FUT9: variants seen among roughly 807,000 people sequenced by gnomAD.
The protein encoded by FUT9 is fucosyltransferase 9, also known as 4-galactosyl-N-acetylglucosaminide 3-alpha-L-fucosyltransferase 9.
In FUT9, 15 loss-of-function variants were observed where a neutral mutation model predicts 29.7. The observed-to-expected ratio is 0.51, with a 90% CI of 0.34 to 0.78. FUT9 has a LOEUF of 0.78. Among genes scored for constraint, FUT9 ranks in the 30% least tolerant of loss-of-function variants. The probability of loss-of-function intolerance (pLI) is 0.01; values close to 1 mark genes in which losing one functional copy is unlikely to be tolerated. For missense variants in FUT9, 319 were observed against 425.4 expected, an observed-to-expected ratio of 0.75 and a Z score of 2.20; for synonymous variants, 169 against 153.7, an observed-to-expected ratio of 1.10 and a Z score of -0.74.
intron 1 of FUT9, among the ~76,000 whole-genome samples, chr6:96,113,239 A>G (rs1771844001): frequency 6.6e-6 from 1 of 152,020 alleles, no homozygotes; most frequent in African/African-American, 2.4e-5. Flanking sequence ...CCATTTAACT[A>G]TTCAATAACT....
intron 2 of FUT9, among the ~76,000 whole-genome samples, chr6:96,197,867 C>T (rs1252060378): frequency 6.6e-6 from 1 of 152,150 alleles, no homozygotes; most frequent in Non-Finnish European, 1.5e-5. Context: ...AAGTATTGAA[C>T]TTTGTTCTAT....
At position 96,213,660 on chromosome 6, in the gene FUT9, G is replaced by A. The variant is rs1773981725; in HGVS notation, c.*9425G>A. ...ATTATTGCGATGCAGACCCAATAGG[G>A]TTATTTTAAGCACACTAATTAGTCA... On this transcript the variant is annotated 3_prime_UTR_variant, in exon 3 of 3. Coordinates refer to ENST00000302103, the MANE Select transcript of FUT9 (RefSeq NM_006581.4). The A allele has an allele frequency of 1.2e-5, 2 of 166,716 alleles. No individual in the cohort carries two copies. Among genetic ancestry groups the A allele is most frequent in the South Asian group, 2.1e-4 (1 of 4,816 alleles). The allele number at this position is 166,716 out of a possible 1,614,324, so 10.3% of individuals were successfully genotyped here.
chr6:96,058,359 C>G (rs1770812218), intron 1 of FUT9, among the ~76,000 whole-genome samples: 1 of 150,320 alleles, frequency 6.7e-6, no homozygotes, highest in African/African-American at 2.5e-5. Context: ...AGAAAGGAAC[C>G]CTCACTGTTG....
chr6:96,179,582 T>C (rs191459041), intron 2 of FUT9, among the ~76,000 whole-genome samples: 4 of 152,292 alleles, frequency 2.6e-5, no homozygotes, highest in East Asian at 1.9e-4. Context: ...TTCAAAACAC[T>C]ATGTTACATA....
chr6:96,204,674 T>C lies in FUT9; in HGVS notation c.*439T>C, dbSNP rs761648409. The C allele has an allele frequency of 1.2e-5, 2 of 167,152 alleles. No homozygotes were observed. Among genetic ancestry groups the C allele is most frequent in the African/African-American group, 4.8e-5 (2 of 41,464 alleles). 10.4% of individuals were successfully genotyped at this position (167,152 alleles called of 1,614,324 possible). ...TGCATACTATAACAGAGGAAGAACA[T>C]GTTGCGATTGAATTCTAACCTCTTT... On this transcript the variant is annotated 3_prime_UTR_variant, in exon 3 of 3. Transcript: ENST00000302103.
intron 1 of FUT9, among the ~76,000 whole-genome samples, chr6:96,085,079 T>C (rs1771293357): frequency 6.6e-6 from 1 of 152,096 alleles, no homozygotes. Context: ...GCATAAGGCT[T>C]TTATTTAAAT....
intron 2 of FUT9, among the ~76,000 whole-genome samples, chr6:96,149,373 G>A (rs1772635680): frequency 6.6e-6 from 1 of 151,868 alleles, no homozygotes; most frequent in Non-Finnish European, 1.5e-5. Context: ...AACTACAATG[G>A]AACATTATGG....
chr6:96,180,677 A>G (rs1773289635), intron 2 of FUT9, among the ~76,000 whole-genome samples: 1 of 152,070 alleles, frequency 6.6e-6, no homozygotes, highest in African/African-American at 2.4e-5. Flanking sequence ...TTCTGTAAGA[A>G]CAACTTTCTT....
chr6:96,087,362 ATTTTTTTTT>A (rs55814316), intron 1 of FUT9, among the ~76,000 whole-genome samples: 2 of 96,654 alleles, frequency 2.1e-5, no homozygotes, highest in East Asian at 6.6e-4. Context: ...TTCCCCACAA[ATTTTTTTTT>A]TTTTTTTTTT....
intron 2 of FUT9, among the ~76,000 whole-genome samples, chr6:96,137,791 G>T (rs1001718932): frequency 6.6e-6 from 1 of 152,008 alleles, no homozygotes; most frequent in Non-Finnish European, 1.5e-5. Context: ...TTTGATGAAA[G>T]AACCATAGTA....
intron 1 of FUT9, among the ~76,000 whole-genome samples, chr6:96,017,400 A>G (rs1392524050): frequency 6.6e-6 from 1 of 152,112 alleles, no homozygotes; most frequent in Non-Finnish European, 1.5e-5. Flanking sequence ...TTACCGTTTT[A>G]TTATTTCTAG....
chr6:96,031,318 T>C (rs956913081), intron 1 of FUT9, among the ~76,000 whole-genome samples: 3 of 151,600 alleles, frequency 2.0e-5, no homozygotes, highest in Non-Finnish European at 3.0e-5. Context: ...ATGAAATCTT[T>C]ATTAAATCCA....
At chr6:96,167,969 T>A (rs979928193) in intron 2 of FUT9, among the ~76,000 whole-genome samples, 1 of 152,098 alleles carries the variant, frequency 6.6e-6, no homozygotes, top group African/African-American at 2.4e-5. Context: ...AAGTTGAAGA[T>A]AGAGCCAACT....
chr6:96,093,637 T>G (rs1771450226), intron 1 of FUT9, among the ~76,000 whole-genome samples: 1 of 152,170 alleles, frequency 6.6e-6, no homozygotes, highest in Non-Finnish European at 1.5e-5. Context: ...TAAATATGTA[T>G]TTCTCCATGC....
chr6:96,202,072 T>C (rs538736330), intron 2 of FUT9, among the ~76,000 whole-genome samples: 1 of 152,078 alleles, frequency 6.6e-6, no homozygotes, highest in Non-Finnish European at 1.5e-5. Flanking sequence ...ATAGGCCATA[T>C]TATTTTCGTA....
At chr6:96,133,583 A>C (rs1233478523) in intron 2 of FUT9, among the ~76,000 whole-genome samples, 1 of 151,954 alleles carries the variant, frequency 6.6e-6, no homozygotes, top group Non-Finnish European at 1.5e-5. Flanking sequence ...AATGAGGATG[A>C]AACTACCCTC....
intron 2 of FUT9, among the ~76,000 whole-genome samples, chr6:96,186,420 A>G (rs545428691): frequency 9.9e-5 from 15 of 151,980 alleles, no homozygotes; most frequent in African/African-American, 3.4e-4. Flanking sequence ...CTAAGGTAAT[A>G]CTCTCTCTTT....
At chr6:96,016,895 A>G (rs1769989930) in intron 1 of FUT9, among the ~76,000 whole-genome samples, 1 of 152,148 alleles carries the variant, frequency 6.6e-6, no homozygotes, top group Admixed American at 6.5e-5. Context: ...TAAAGACAAA[A>G]ACCAAACCCT....
chr6:96,127,859 ACTTTT>A (rs1772161967), intron 2 of FUT9, among the ~76,000 whole-genome samples: 2 of 152,104 alleles, frequency 1.3e-5, no homozygotes, highest in African/African-American at 4.8e-5. Flanking sequence ...TCCTTTGCCC[ACTTTT>A]AAAGGGGTTG....
Sources: allele counts gnomAD v4.1 joint callset (sites outside exome capture counted in the v4.1 genomes callset), GRCh38; gene constraint gnomAD v4.1.1; transcripts MANE v1.5; gene names NCBI Gene and HGNC (gene_info 2026-07-23, HGNC 2026-07-21).